ZNF827: variants seen among roughly 807,000 people sequenced by gnomAD.
ZNF827 encodes zinc finger protein 827.
ZNF827 carries 13 observed loss-of-function variants against 102.4 expected under a neutral mutation model. The ratio of observed to expected loss-of-function variants is 0.13; its 90% CI spans 0.08 to 0.20. The LOEUF (loss-of-function observed/expected upper bound fraction) is 0.20. Ranked by LOEUF, ZNF827 falls within the 10% of genes least tolerant of loss-of-function variation. The probability of loss-of-function intolerance (pLI) is 1.00; values close to 1 mark genes in which losing one functional copy is unlikely to be tolerated. For missense variants in ZNF827, 1,103 were observed against 1,344.4 expected, an observed-to-expected ratio of 0.82 and a Z score of 2.81; for synonymous variants, 523 against 536.2, an observed-to-expected ratio of 0.98 and a Z score of 0.34.
Position 145,765,308 on chromosome 4 carries a change from C to G in ZNF827, c.3053-143G>C, listed in dbSNP as rs1369870820. Reference sequence around the variant, plus strand: ...CTTCCAGGCACTGTTCCCCATATCTCTGTGCTAAAAGGAGTTAAATGTACA... The same window carrying G: ...CTTCCAGGCACTGTTCCCCATATCTGTGTGCTAAAAGGAGTTAAATGTACA... On this transcript the variant is annotated intron_variant, in intron 12 of 14. Coordinates refer to ENST00000508784, the MANE Select transcript of ZNF827 (RefSeq NM_001306215.2). This position sits in a 1 kb window ranked among gnomAD's most constrained non-coding sequence, Gnocchi z 4.7. 2 of 1,044,128 alleles carry G rather than the reference C, an allele frequency of 1.9e-6. No homozygotes were observed. The highest frequency in any genetic ancestry group is 1.7e-5 in the South Asian group (1 of 58,644). 64.7% of individuals were successfully genotyped at this position (1,044,128 alleles called of 1,614,324 possible).
At chr4:145,866,794 G>T (rs930666781) in intron 5 of ZNF827, among the ~76,000 whole-genome samples, 1 of 152,122 alleles carries the variant, frequency 6.6e-6, no homozygotes, top group Non-Finnish European at 1.5e-5. Flanking sequence ...ACTCCCCAAA[G>T]AAAGAAGAGG....
At chr4:145,786,409 A>G (rs1738874203) in intron 8 of ZNF827, among the ~76,000 whole-genome samples, 1 of 152,234 alleles carries the variant, frequency 6.6e-6, no homozygotes, top group Admixed American at 6.5e-5. Context: ...CAATGCATAA[A>G]TAACTGTTCA....
At chr4:145,775,688 A>C in intron 10 of ZNF827, 101 bp downstream of exon 10, 1 of 1,419,744 alleles carries the variant, frequency 7.0e-7, no homozygotes, top group Non-Finnish European at 9.7e-7. Flanking sequence ...GCTATGACTG[A>C]GAAAAGGGGC....
intron 5 of ZNF827, among the ~76,000 whole-genome samples, chr4:145,866,875 TTG>T (rs1190993273): frequency 1.3e-5 from 2 of 152,194 alleles, no homozygotes; most frequent in Admixed American, 1.3e-4. Context: ...AGACAAAATT[TTG>T]TGTCATTTTC....
At chr4:145,929,980 A>G (rs757059967) in intron 1 of ZNF827, among the ~76,000 whole-genome samples, 2 of 152,228 alleles carry the variant, frequency 1.3e-5, no homozygotes, top group Non-Finnish European at 2.9e-5. Context: ...GGCTCTGAAC[A>G]GCCTGGCCCC....
At chr4:145,774,458 T>G in intron 11 of ZNF827, 48 bp downstream of exon 11, 1 of 1,573,242 alleles carries the variant, frequency 6.4e-7, no homozygotes, top group Non-Finnish European at 8.7e-7. Flanking sequence ...TGCTCTGGGG[T>G]GCAGGGGATG....
chr4:145,792,387 G>GA (rs920456913), intron 8 of ZNF827, among the ~76,000 whole-genome samples: 22 of 149,432 alleles, frequency 1.5e-4, no homozygotes, highest in African/African-American at 1.7e-4. Context: ...AAAAAAAAAA[G>GA]AAAAAAAAGA....
chr4:145,815,737 A>T (rs145556145), intron 8 of ZNF827, among the ~76,000 whole-genome samples: 1 of 152,368 alleles, frequency 6.6e-6, no homozygotes, highest in East Asian at 1.9e-4. Context: ...AGCCAGTCCC[A>T]AACTGAAGCC....
In ZNF827 at chr4:145,931,252, A is replaced by ATGTGTACAACAAC. The variant is rs1249164551; in HGVS notation, c.43+7112_43+7113insGTTGTTGTACACA. On this transcript the variant is annotated intron_variant, in intron 1 of 14. Coordinates refer to ENST00000508784, the MANE Select transcript of ZNF827 (RefSeq NM_001306215.2). ...GAAGACATTTTAGCTACCATGAACT[A>ATGTGTACAACAAC]TAAAGTGTTGTACACTTAGCCCTAG... Among the ~76,000 whole-genome samples the ATGTGTACAACAAC allele has an allele frequency of 2.0e-5, 3 of 152,252 alleles. No homozygotes were observed. The East Asian group carries it at 5.8e-4, about 29-fold the overall frequency.
intron 6 of ZNF827, among the ~76,000 whole-genome samples, 169 bp from the exon 7 acceptor site, chr4:145,846,182 C>T (rs1745915401): frequency 6.6e-6 from 1 of 152,194 alleles, no homozygotes; most frequent in South Asian, 2.1e-4. Flanking sequence ...AAAAGACAAT[C>T]ATCCAAAGCA....
chr4:145,868,420 C>T (rs763174834), intron 5 of ZNF827, among the ~76,000 whole-genome samples: 42 of 152,122 alleles, frequency 2.8e-4, no homozygotes, highest in Admixed American at 1.1e-3. Context: ...TTCCACATCA[C>T]GAAGCAGGGG....
intron 1 of ZNF827, among the ~76,000 whole-genome samples, chr4:145,937,350 C>T (rs1281301259): frequency 6.6e-6 from 1 of 151,898 alleles, no homozygotes; most frequent in Non-Finnish European, 1.5e-5. Context: ...TCAGGCTCGC[C>T]AAGGAGGGGG....
At chr4:145,922,390 G>A (rs1038992265) in intron 1 of ZNF827, among the ~76,000 whole-genome samples, 12 of 152,110 alleles carry the variant, frequency 7.9e-5, no homozygotes, top group Middle Eastern at 3.2e-3. Flanking sequence ...AAGCAATGAC[G>A]GGTAAAACTA....
chr4:145,919,550 T>C (rs1025988215), intron 1 of ZNF827, among the ~76,000 whole-genome samples: 2 of 152,208 alleles, frequency 1.3e-5, no homozygotes, highest in African/African-American at 4.8e-5. Context: ...GCTATATAAC[T>C]TCTGATGTTT....
chr4:145,776,007 GA>G, intron 9 of ZNF827, 47 bp from the exon 10 acceptor site: 2 of 1,611,236 alleles, frequency 1.2e-6, no homozygotes, highest in African/African-American at 1.3e-5. Flanking sequence ...TTCAAAAAAG[GA>G]AGTCCCAACA....
chr4:145,811,322 G>T (rs1438950261), intron 8 of ZNF827, among the ~76,000 whole-genome samples: 1 of 152,116 alleles, frequency 6.6e-6, no homozygotes, highest in Non-Finnish European at 1.5e-5. Context: ...TTTTAATAGA[G>T]TATTTCATGT....
At chr4:145,817,048 G>C (rs1742654732) in intron 8 of ZNF827, among the ~76,000 whole-genome samples, 1 of 152,166 alleles carries the variant, frequency 6.6e-6, no homozygotes, top group Non-Finnish European at 1.5e-5. Flanking sequence ...GACAAATGCA[G>C]AAATACTATC....
chr4:145,891,415 T>C (rs1291804359), intron 3 of ZNF827, among the ~76,000 whole-genome samples: 1 of 152,168 alleles, frequency 6.6e-6, no homozygotes, highest in Non-Finnish European at 1.5e-5. Flanking sequence ...ATCCCATGAG[T>C]TTCCTCCTGG....
intron 8 of ZNF827, among the ~76,000 whole-genome samples, chr4:145,781,457 CAAT>C (rs1281602111): frequency 6.6e-6 from 1 of 152,040 alleles, no homozygotes; most frequent in Non-Finnish European, 1.5e-5. Context: ...GGTGAAATTG[CAAT>C]AATGTTCGCT....
Sources: gnomAD v4.1 joint callset for allele counts (sites outside exome capture counted in the v4.1 genomes callset) on GRCh38, gnomAD v4.1.1 for gene constraint, Gnocchi (gnomAD v3.1) non-coding constraint, MANE v1.5 for transcripts, NCBI Gene and HGNC (gene_info 2026-07-23, HGNC 2026-07-21) for gene names.